The following LHFPL3 variants were observed in gnomAD, a reference collection of about 807,000 sequenced individuals.
LHFPL3 encodes LHFPL tetraspan subfamily member 3 protein.
LHFPL3 carries 5 observed loss-of-function variants against 19.3 expected under a neutral mutation model. The observed-to-expected ratio is 0.26, with a 90% CI of 0.14 to 0.54. LHFPL3 has a LOEUF of 0.54. Ranked by LOEUF, LHFPL3 falls within the 20% of genes least tolerant of loss-of-function variation. The probability of loss-of-function intolerance (pLI) is 0.94; values close to 1 mark genes in which losing one functional copy is unlikely to be tolerated. For missense variants in LHFPL3, 249 were observed against 307.4 expected (o/e 0.81, Z 1.42); for synonymous variants, 133 against 126.2 (o/e 1.05, Z -0.36).
At chr7:104,854,639 A>T (rs1791468517) in intron 2 of LHFPL3, among the ~76,000 whole-genome samples, 1 of 152,214 alleles carries the variant, frequency 6.6e-6, no homozygotes, top group Non-Finnish European at 1.5e-5. Flanking sequence ...ATTACAAATG[A>T]TTTAGGTCAT....
intron 1 of LHFPL3, among the ~76,000 whole-genome samples, chr7:104,735,371 C>T (rs560302582): frequency 3.3e-5 from 5 of 152,222 alleles, no homozygotes; most frequent in South Asian, 2.1e-4. Flanking sequence ...CCACCCAGTT[C>T]GAGCTTCCCA....
At chr7:104,745,539 C>T (rs1215765082) in intron 2 of LHFPL3, among the ~76,000 whole-genome samples, 1 of 145,082 alleles carries the variant, frequency 6.9e-6, no homozygotes, top group Non-Finnish European at 1.5e-5. Context: ...AGAACCAATG[C>T]AATAACAGGA....
At chr7:104,441,147 T>C (rs1792216880) in intron 1 of LHFPL3, among the ~76,000 whole-genome samples, 1 of 152,202 alleles carries the variant, frequency 6.6e-6, no homozygotes, top group African/African-American at 2.4e-5. Flanking sequence ...TACAACTTAC[T>C]CATCTTTCAG....
chr7:104,847,116 T>G (rs1791327864), intron 2 of LHFPL3, among the ~76,000 whole-genome samples: 1 of 152,172 alleles, frequency 6.6e-6, no homozygotes, highest in East Asian at 1.9e-4. Context: ...CAAACTCAGA[T>G]AGATGTGGCA....
intron 1 of LHFPL3, among the ~76,000 whole-genome samples, chr7:104,567,832 T>C (rs1466404581): frequency 6.6e-6 from 1 of 152,210 alleles, no homozygotes; most frequent in East Asian, 1.9e-4. Context: ...GCAGAACTAA[T>C]GGTCATGCCG....
At chr7:104,365,275 G>C (rs1790462946) in intron 1 of LHFPL3, among the ~76,000 whole-genome samples, 1 of 151,672 alleles carries the variant, frequency 6.6e-6, no homozygotes, top group African/African-American at 2.4e-5. Flanking sequence ...CTCCAGCCTG[G>C]GCAACAAGAG....
At chr7:104,668,543 C>G in intron 1 of LHFPL3, 3 of 1,613,078 alleles carry the variant, frequency 1.9e-6, no homozygotes, top group Non-Finnish European at 2.5e-6. Flanking sequence ...ATGATAGAGG[C>G]TATGATTCCC....
At chr7:104,885,416 T>A (rs1212714731) in intron 2 of LHFPL3, among the ~76,000 whole-genome samples, 2 of 152,200 alleles carry the variant, frequency 1.3e-5, no homozygotes, top group Non-Finnish European at 2.9e-5. Context: ...ATTGTGGCTA[T>A]CTGATTTTCT....
chr7:104,515,950 A>G (rs1447866168), intron 1 of LHFPL3, among the ~76,000 whole-genome samples: 1 of 152,084 alleles, frequency 6.6e-6, no homozygotes, highest in East Asian at 1.9e-4. Context: ...CCCAGTTCCA[A>G]AGTCGCTTCC....
chr7:104,348,322 G>A (rs1478531972), intron 1 of LHFPL3, among the ~76,000 whole-genome samples: 2 of 152,204 alleles, frequency 1.3e-5, no homozygotes, highest in African/African-American at 2.4e-5. Flanking sequence ...GGCGGAGCTT[G>A]CAGTGAGCCG....
intron 2 of LHFPL3, among the ~76,000 whole-genome samples, chr7:104,829,483 C>CTG: frequency 6.6e-6 from 1 of 151,842 alleles, no homozygotes; most frequent in East Asian, 1.9e-4. Flanking sequence ...CTCCCCCATC[C>CTG]CCCTACCCCA....
intron 1 of LHFPL3, among the ~76,000 whole-genome samples, chr7:104,451,419 G>T (rs1482212476): frequency 6.6e-6 from 1 of 152,158 alleles, no homozygotes; most frequent in Non-Finnish European, 1.5e-5. Flanking sequence ...GTGATATTGG[G>T]GAAGGAGGAG....
At chr7:104,357,451 T>C (rs1316415752) in intron 1 of LHFPL3, among the ~76,000 whole-genome samples, 2 of 152,190 alleles carry the variant, frequency 1.3e-5, no homozygotes, top group Non-Finnish European at 2.9e-5. Context: ...AAAACATCCA[T>C]TTGTAAAGGA....
chr7:104,742,867 C>T (rs1342646890), intron 2 of LHFPL3, among the ~76,000 whole-genome samples: 3 of 151,940 alleles, frequency 2.0e-5, no homozygotes, highest in Non-Finnish European at 4.4e-5. Context: ...AGGTAAAAGT[C>T]AAAGGGGATG....
chr7:104,487,892 A>C (rs1204720705), intron 1 of LHFPL3, among the ~76,000 whole-genome samples: 1 of 152,152 alleles, frequency 6.6e-6, no homozygotes, highest in Non-Finnish European at 1.5e-5. Flanking sequence ...AGGGAGGGGC[A>C]AGGGTACTAT....
At chr7:104,595,781 C>A (rs1790838661) in intron 1 of LHFPL3, among the ~76,000 whole-genome samples, 1 of 152,264 alleles carries the variant, frequency 6.6e-6, no homozygotes, top group Non-Finnish European at 1.5e-5. Context: ...GACGCCCCTC[C>A]CCCAGCCAGG....
intron 2 of LHFPL3, among the ~76,000 whole-genome samples, chr7:104,848,639 GGAAGGGAAAAGGA>G (rs1791357810): frequency 9.3e-6 from 1 of 107,686 alleles, no homozygotes; most frequent in South Asian, 2.7e-4. Flanking sequence ...GGGAGGGAGA[GGAAGGGAAAAGGA>G]GAAGGGGAAA....
At chr7:104,415,332 T>C (rs755157870) in intron 1 of LHFPL3, among the ~76,000 whole-genome samples, 1 of 152,226 alleles carries the variant, frequency 6.6e-6, no homozygotes, top group East Asian at 1.9e-4. Flanking sequence ...TGATGCCTAC[T>C]GTTTTTGATA....
At chr7:104,428,440 T>C (rs1224808572) in intron 1 of LHFPL3, among the ~76,000 whole-genome samples, 5 of 152,214 alleles carry the variant, frequency 3.3e-5, no homozygotes, top group African/African-American at 9.6e-5. Flanking sequence ...GCCGTTGTCT[T>C]TTCATAGTTG....
Sources: gnomAD v4.1 joint callset for allele counts (sites outside exome capture counted in the v4.1 genomes callset) on GRCh38, gnomAD v4.1.1 for gene constraint, MANE v1.5 for transcripts, NCBI Gene and HGNC (gene_info 2026-07-23, HGNC 2026-07-21) for gene names.